EP400: variants seen among roughly 807,000 people sequenced by gnomAD.
The protein encoded by EP400 is E1A-binding protein p400.
Under a neutral mutation model 354.1 loss-of-function variants are expected in EP400, and 105 were observed. The ratio of observed to expected loss-of-function variants is 0.30; its 90% CI spans 0.25 to 0.35. The LOEUF is 0.35. Among genes scored for constraint, EP400 ranks in the 10% least tolerant of loss-of-function variants. The pLI, the probability that EP400 is intolerant of heterozygous loss-of-function variation, is 1.00. For synonymous variants in EP400, 1,646 were observed against 1,716.9 expected (o/e 0.96, Z 1.02); for missense variants, 3,280 against 4,121.0 (o/e 0.80, Z 5.59).
intron 1 of EP400, among the ~76,000 whole-genome samples, chr12:131,953,611 C>A (rs560772637): frequency 1.3e-5 from 2 of 152,304 alleles, no homozygotes; most frequent in East Asian, 3.9e-4. Flanking sequence ...CACTTGGTAT[C>A]ATTCGGAATT....
At chr12:132,044,624 TGACACTGA>T in intron 35 of EP400, 39 bp from the exon 36 acceptor site, 1 of 1,611,956 alleles carries the variant, frequency 6.2e-7, no homozygotes, top group African/African-American at 1.3e-5. Flanking sequence ...GCTTATAACA[TGACACTGA>T]GACTTGGTGG....
chr12:132,045,308 T>C lies in EP400; in HGVS notation c.6785-11T>C, dbSNP rs757623243. 5.6e-6 allele frequency: 9 copies of C among 1,613,774 alleles called. No homozygotes were observed. The African/African-American group carries it at 1.1e-4, about 19-fold the overall frequency. On this transcript the variant is annotated splice_polypyrimidine_tract_variant and intron_variant, in intron 37 of 52. Coordinates refer to ENST00000389561, the MANE Select transcript of EP400 (RefSeq NM_015409.5). ...GTTTACTCTCTTGCTGAAGACTGCC[T>C]CTCTGTTCAGCTGCAGGCAGGAAGA...
intron 1 of EP400, among the ~76,000 whole-genome samples, 190 bp downstream of exon 1, chr12:131,950,226 C>A (rs1023277737): frequency 6.6e-6 from 1 of 151,990 alleles, no homozygotes; most frequent in Admixed American, 6.5e-5. Flanking sequence ...GCTGAGGGCT[C>A]ACGGGCCCGG....
chr12:132,011,423 C>A, intron 15 of EP400, 75 bp from the exon 16 acceptor site: 1 of 1,559,934 alleles, frequency 6.4e-7, no homozygotes, highest in South Asian at 1.2e-5. Flanking sequence ...TGAAGCGTCT[C>A]TGGTCAGACA....
chr12:132,028,141 G>A lies in EP400; in HGVS notation c.5234G>A (p.Gly1745Glu). ...LLRICALPSH[G>E]RVQWRGSLDG... ...AGGATTTGTGCCCTGCCTAGCCATG[G>A]AAGGGTACAGTGGCGTGGGTCCCTG... Residue 1745 changes from glycine to glutamate, a missense_variant, in exon 27 of 53, where the codon GGA (glycine) becomes GAA (glutamate). Physicochemically the swap from Gly to Glu is moderately conservative, Grantham distance 98. Around this residue, in one of 20 missense-constraint regions of EP400, gnomAD observed 459 missense variants for 496.9 expected, o/e 0.92. Transcript: ENST00000389561. The A allele has an allele frequency of 6.2e-7, 1 of 1,614,208 alleles. No homozygotes were observed. Among genetic ancestry groups the A allele is most frequent in the Non-Finnish European group, 8.5e-7 (1 of 1,180,042 alleles).
Position 132,054,905 on chromosome 12 carries a change from A to G in EP400, c.7729-69A>G. 1 of 1,482,898 alleles carries G rather than the reference A, an allele frequency of 6.7e-7. No individual in the cohort carries two copies. Among genetic ancestry groups the G allele is most frequent in the South Asian group, 1.1e-5 (1 of 87,550 alleles). 91.9% of individuals were successfully genotyped at this position (1,482,898 alleles called of 1,614,324 possible). ...TGGATTTGATTCTGAATGAAGTGGA[A>G]GCCTTTGGAGGATTTATGCAGGGGA... On this transcript the variant is annotated intron_variant, in intron 43 of 52. Coordinates refer to ENST00000389561, the MANE Select transcript of EP400 (RefSeq NM_015409.5). This position sits in a 1 kb window ranked among gnomAD's most constrained non-coding sequence, Gnocchi z 4.0.
At chr12:131,985,861 G>T (rs1032473892) in intron 5 of EP400, among the ~76,000 whole-genome samples, 1 of 152,180 alleles carries the variant, frequency 6.6e-6, no homozygotes, top group African/African-American at 2.4e-5. Context: ...GCCCACCTCG[G>T]CCTCTGAAAG....
In EP400 at chr12:132,040,045, T is replaced by C. The variant is rs576985808; in HGVS notation, c.6207+1949T>C. On this transcript the variant is annotated intron_variant, in intron 32 of 52. Coordinates refer to ENST00000389561, the MANE Select transcript of EP400 (RefSeq NM_015409.5). ...ACAGAGTGACACCCTGTCTCAAAGA[T>C]AAAATATGCAAAGGACCTGACTCTG... is the stretch of plus-strand genomic sequence containing the variant. Among the ~76,000 whole-genome samples, 41 of 152,188 alleles carry C rather than the reference T, an allele frequency of 2.7e-4. No homozygotes were observed. The South Asian group carries it at 6.2e-3, about 23-fold the overall frequency.
At chr12:132,074,346 C>T (rs920661519) in intron 51 of EP400, among the ~76,000 whole-genome samples, 2 of 152,068 alleles carry the variant, frequency 1.3e-5, no homozygotes, top group African/African-American at 2.4e-5. Context: ...TCTTCCCCAC[C>T]GACTGCCTGT....
rs551189845 is a variant in EP400 at position 132,050,590 on chromosome 12, A to G, written c.7338-9A>G. On this transcript the variant is annotated splice_polypyrimidine_tract_variant and intron_variant, in intron 40 of 52. Coordinates refer to ENST00000389561, the MANE Select transcript of EP400 (RefSeq NM_015409.5). This position sits in a 1 kb window ranked among gnomAD's most constrained non-coding sequence, Gnocchi z 4.8. ...TTTAATAATTGCTGTCTCACTGTCT[A>G]TACTTCAGGCTTGGCATGAATCCCT... 2.1e-5 allele frequency: 34 copies of G among 1,614,200 alleles called. No homozygotes were observed. In the Middle Eastern group the frequency reaches 4.9e-4, roughly 23 times the overall value.
intron 51 of EP400, among the ~76,000 whole-genome samples, chr12:132,073,459 C>CTTTCTTTTTTTTTTTTTTTTTTT (rs1896125765): frequency 1.7e-5 from 2 of 117,730 alleles, no homozygotes; most frequent in African/African-American, 8.8e-5. Context: ...GTCCCTTTTC[C>CTTTCTTTTTTTTTTTTTTTTTTT]TTTTTTTTTT....
Position 131,960,745 on chromosome 12 carries a change from C to G in EP400, c.126C>G (p.Phe42Leu), listed in dbSNP as rs139666996. The change falls in exon 2 of 53, where the codon TTC (phenylalanine) becomes TTG (leucine). Residue 42 changes from phenylalanine to leucine, a missense_variant. Coordinates refer to ENST00000389561, the MANE Select transcript of EP400 (RefSeq NM_015409.5). ...PNPPPSPAAPFAPSASPSAPQ... is the reference protein window; with the variant it reads ...PNPPPSPAAPLAPSASPSAPQ... ...CACCCCCGTCCCCCGCAGCTCCCTT[C>G]GCTCCCTCAGCAAGCCCGTCGGCAC... 1.9e-6 allele frequency: 3 copies of G among 1,606,896 alleles called. No homozygotes were observed. The highest frequency in any genetic ancestry group is 1.7e-6 in the Non-Finnish European group (2 of 1,177,974).
intron 1 of EP400, among the ~76,000 whole-genome samples, chr12:131,951,475 C>T (rs1191131596): frequency 1.3e-5 from 2 of 152,058 alleles, no homozygotes. Flanking sequence ...GCTACCGCGC[C>T]GGGACACGTG....
chr12:132,005,041 T>C lies in EP400; in HGVS notation c.2828-36T>C, dbSNP rs375359552. ...CCAATTTAAATTACAGTTGTTGTTA[T>C]AAAGTAACAGCCCTTCTGCCCGCAA... is the stretch of plus-strand genomic sequence containing the variant. On this transcript the variant is annotated intron_variant, in intron 12 of 52. Transcript: ENST00000389561. 204 of 1,486,344 alleles carry C rather than the reference T, an allele frequency of 1.4e-4. No homozygotes were observed. In the African/African-American group the frequency reaches 2.5e-3, roughly 18 times the overall value. The allele number at this position is 1,486,344 out of a possible 1,614,324, so 92.1% of individuals were successfully genotyped here. A position where few individuals can be genotyped will look rare whatever the true frequency, so the allele number is the denominator to read the frequency against.
rs116435565 is a variant in EP400 at position 132,072,857 on chromosome 12, T to C, written c.9021+3216T>C. On this transcript the variant is annotated intron_variant, in intron 51 of 52. Coordinates refer to ENST00000389561, the MANE Select transcript of EP400 (RefSeq NM_015409.5). ...ATTAGCCACATTTAAGTTTAAAGTTTTGAATTTTGTTATTTTGAAATGACT... is the reference window on the plus strand; with the variant it reads ...ATTAGCCACATTTAAGTTTAAAGTTCTGAATTTTGTTATTTTGAAATGACT... Among the ~76,000 whole-genome samples the C allele has an allele frequency of 6.1e-3, 932 of 152,352 alleles. 13 individuals carry two copies. The highest frequency in any genetic ancestry group is 0.021 in the African/African-American group (892 of 41,582).
At chr12:131,978,492 G>A (rs1310084762) in intron 2 of EP400, among the ~76,000 whole-genome samples, 3 of 151,998 alleles carry the variant, frequency 2.0e-5, no homozygotes, top group Non-Finnish European at 2.9e-5. Context: ...GTAGCATGTC[G>A]CCTTTTCAGA....
rs1894287354 is a variant in EP400, at chr12:132,025,862, A to G, written c.5014+58A>G. The G allele has an allele frequency of 6.7e-7, 1 of 1,496,652 alleles. No homozygotes were observed. Among genetic ancestry groups the G allele is most frequent in the Non-Finnish European group, 8.9e-7 (1 of 1,126,644 alleles). 92.7% of individuals were successfully genotyped at this position (1,496,652 alleles called of 1,614,324 possible). A position where few individuals can be genotyped will look rare whatever the true frequency, so the allele number is the denominator to read the frequency against. On this transcript the variant is annotated intron_variant, in intron 25 of 52. Transcript: ENST00000389561. The surrounding 1 kb of genome is among the most constrained non-coding windows in gnomAD (Gnocchi z 4.1). ...TTGGATGCTTCTTTCTCTTCCATCT[A>G]AGGCGAGTGGAAAGCATTCATGTGT...
At chr12:132,064,626 C>G (rs756987143) in intron 47 of EP400, 42 bp from the exon 48 acceptor site, 3 of 1,592,638 alleles carry the variant, frequency 1.9e-6, no homozygotes, top group South Asian at 1.1e-5. Context: ...AAGAATGGAG[C>G]ACAGTTAATG....
chr12:131,999,775 C>T (rs928319989), intron 12 of EP400, among the ~76,000 whole-genome samples: 10 of 152,014 alleles, frequency 6.6e-5, no homozygotes, highest in Admixed American at 2.0e-4. Flanking sequence ...TTTTTCTTTT[C>T]TTCATAGTCA....
Sources: allele counts gnomAD v4.1 joint callset (sites outside exome capture counted in the v4.1 genomes callset), GRCh38; gene constraint gnomAD v4.1.1; regional missense constraint gnomAD v4.1.1; non-coding constraint Gnocchi (gnomAD v3.1); transcripts MANE v1.5; gene names NCBI Gene and HGNC (gene_info 2026-07-23, HGNC 2026-07-21).